PARP15: variants seen among roughly 807,000 people sequenced by gnomAD.
PARP15 encodes poly(ADP-ribose) polymerase family member 15, also known as protein mono-ADP-ribosyltransferase PARP15.
A neutral mutation model predicts 62.1 loss-of-function variants in PARP15; 50 were observed. That is an observed-to-expected ratio of 0.81 (90% CI 0.64 to 1.02). The LOEUF is 1.02. PARP15 is among the 50% of genes least tolerant of loss of function. PARP15 has a pLI of 0.00. For synonymous variants in PARP15, 309 were observed against 293.1 expected (o/e 1.05, Z -0.55); for missense variants, 820 against 826.5 (o/e 0.99, Z 0.10).
At position 122,606,073 on chromosome 3, in the gene PARP15, A is replaced by G; in HGVS notation, c.306+18A>G. 1 of 1,549,954 alleles carries G rather than the reference A, an allele frequency of 6.5e-7. No homozygotes were observed. Among genetic ancestry groups the G allele is most frequent in the Non-Finnish European group, 8.7e-7 (1 of 1,145,668 alleles). On this transcript the variant is annotated intron_variant, in intron 2 of 11. Transcript: ENST00000464300. ...ACATCTGGGTAGGTGATGCCATTTA[A>G]TAAATCTACCAAGGAACAGTGGGAT... is the stretch of plus-strand genomic sequence containing the variant.
intron 3 of PARP15, among the ~76,000 whole-genome samples, chr3:122,612,368 C>CTT (rs111945019): frequency 1.4e-5 from 2 of 143,920 alleles, no homozygotes; most frequent in African/African-American, 5.1e-5. Context: ...TATTCTCTCT[C>CTT]TTTTTTTTTT....
chr3:122,599,721 G>A (rs1934649051), intron 1 of PARP15, among the ~76,000 whole-genome samples: 4 of 152,130 alleles, frequency 2.6e-5, no homozygotes, highest in Admixed American at 2.6e-4. Flanking sequence ...TTACAGGTGT[G>A]CACCACCAAG....
intron 1 of PARP15, among the ~76,000 whole-genome samples, chr3:122,580,390 CATT>C (rs2080778912): frequency 6.6e-6 from 1 of 152,072 alleles, no homozygotes; most frequent in Admixed American, 6.5e-5. Context: ...GTTCATTTGT[CATT>C]ATGAAATGAC....
At chr3:122,594,808 C>G in intron 1 of PARP15, 1 of 978,508 alleles carries the variant, frequency 1.0e-6, no homozygotes, top group South Asian at 4.7e-5. Flanking sequence ...CTTCAGATTT[C>G]CTCAGAACCT....
Position 122,632,207 on chromosome 3 carries a change from C to T in PARP15, c.1560C>T (p.Tyr520=), listed in dbSNP as rs993567570. ...AGTTCACCCGAACTTGTTCTTCCTA[C>T]GCAATAGAGAAGGTAATACTGTGTT... The part of the protein sequence containing the change: ...KDKFTRTCSS[Y]AIEKIERIQN... The change falls in exon 10 of 12, where the codon TAC becomes TAT. Residue 520 remains tyrosine (Y), a synonymous_variant. Coordinates refer to ENST00000464300, the MANE Select transcript of PARP15 (RefSeq NM_001113523.3). The T allele has an allele frequency of 6.1e-5, 99 of 1,613,142 alleles. No individual in the cohort carries two copies. The highest frequency in any genetic ancestry group is 7.8e-5 in the Non-Finnish European group (92 of 1,179,704).
chr3:122,635,261 AG>A (rs984783447), intron 11 of PARP15, 67 bp downstream of exon 11: 5 of 1,455,388 alleles, frequency 3.4e-6, no homozygotes, highest in Non-Finnish European at 3.8e-6. Flanking sequence ...TTCATACCCA[AG>A]CAGTGTGGAA....
At chr3:122,614,196 TCTAA>T (rs1300095640) in intron 4 of PARP15, among the ~76,000 whole-genome samples, 3 of 152,174 alleles carry the variant, frequency 2.0e-5, no homozygotes, top group East Asian at 1.9e-4. Context: ...TCGGAATTGT[TCTAA>T]CTATTAAAAC....
intron 1 of PARP15, among the ~76,000 whole-genome samples, chr3:122,579,895 C>G (rs2080762101): frequency 6.6e-6 from 1 of 150,564 alleles, no homozygotes; most frequent in Non-Finnish European, 1.5e-5. Flanking sequence ...AGGAGAATTG[C>G]TGGAACCTGG....
At chr3:122,599,257 A>G (rs1934599165) in intron 1 of PARP15, among the ~76,000 whole-genome samples, 1 of 152,070 alleles carries the variant, frequency 6.6e-6, no homozygotes, top group South Asian at 2.1e-4. Context: ...GCTCCCATCT[A>G]CTTGGGAAGC....
intron 1 of PARP15, among the ~76,000 whole-genome samples, chr3:122,605,612 T>A (rs551345356): frequency 3.3e-5 from 5 of 152,334 alleles, no homozygotes; most frequent in Admixed American, 2.6e-4. Flanking sequence ...CTCGCTTTGT[T>A]ACGCAGGCTG....
chr3:122,623,983 C>G (rs1211154842), intron 8 of PARP15, among the ~76,000 whole-genome samples: 2 of 152,078 alleles, frequency 1.3e-5, no homozygotes, highest in African/African-American at 4.8e-5. Flanking sequence ...GAAACCCTGT[C>G]TCTACTAAAA....
intron 3 of PARP15, among the ~76,000 whole-genome samples, chr3:122,612,750 A>G (rs1452049005): frequency 1.3e-5 from 2 of 152,002 alleles, no homozygotes; most frequent in Non-Finnish European, 2.9e-5. Flanking sequence ...TTTTAACTTA[A>G]CATAAATACT....
intron 8 of PARP15, among the ~76,000 whole-genome samples, chr3:122,626,423 C>A (rs533682039): frequency 1.8e-4 from 27 of 152,210 alleles, no homozygotes; most frequent in Non-Finnish European, 1.6e-4. Context: ...TGGTTTCAAT[C>A]TCCTGACCTC....
intron 10 of PARP15, among the ~76,000 whole-genome samples, chr3:122,634,211 C>T (rs1937222464): frequency 6.6e-6 from 1 of 152,186 alleles, no homozygotes; most frequent in Non-Finnish European, 1.5e-5. Flanking sequence ...CACAGGTTAT[C>T]TGGAGCCCCT....
intron 8 of PARP15, among the ~76,000 whole-genome samples, chr3:122,625,820 C>T (rs1040721535): frequency 2.0e-5 from 3 of 152,168 alleles, no homozygotes; most frequent in Non-Finnish European, 4.4e-5. Context: ...GCAGCCCTAG[C>T]TAACTTCAAG....
intron 6 of PARP15, among the ~76,000 whole-genome samples, chr3:122,617,571 C>A (rs185883746): frequency 6.6e-6 from 1 of 152,174 alleles, no homozygotes; most frequent in Non-Finnish European, 1.5e-5. Context: ...AACTCACCTT[C>A]GGTAGCTCTT....
chr3:122,632,117 T>A lies in PARP15; in HGVS notation c.1470T>A (p.Asn490Lys). Residue 490 changes from asparagine to lysine, a missense_variant, in exon 10 of 12, where the codon AAT (asparagine) becomes AAA (lysine). Around this residue, in one of 3 missense-constraint regions of PARP15, gnomAD observed 731 missense variants for 727.7 expected, o/e 1.00. Coordinates refer to ENST00000464300, the MANE Select transcript of PARP15 (RefSeq NM_001113523.3). ...TTCCTGAACACTGGACTGACATGAATCATCAGCTGTTTTGCATGGTCCAGC... is the reference window on the plus strand; with the variant it reads ...TTCCTGAACACTGGACTGACATGAAACATCAGCTGTTTTGCATGGTCCAGC... The part of the protein sequence containing the change: ...CNLPEHWTDM[N>K]HQLFCMVQLE... 1 of 1,614,054 alleles carries A rather than the reference T, an allele frequency of 6.2e-7. No individual in the cohort carries two copies. Among genetic ancestry groups the A allele is most frequent in the South Asian group, 1.1e-5 (1 of 91,082 alleles).
chr3:122,626,958 A>G lies in PARP15; in HGVS notation c.1363A>G (p.Ile455Val), dbSNP rs2107589998. 1 of 1,614,036 alleles carries G rather than the reference A, an allele frequency of 6.2e-7. No individual in the cohort carries two copies. Among genetic ancestry groups the G allele is most frequent in the Non-Finnish European group, 8.5e-7 (1 of 1,179,986 alleles). ...CATTTTTCAACCTGAGCTGCTAAAT[A>G]TATTCTACGACAGCATGAAAAAAAG... ...VVIFQPELLNIFYDSMKKRDL... is the reference protein window; with the variant it reads ...VVIFQPELLNVFYDSMKKRDL... Residue 455 changes from isoleucine to valine, a missense_variant, in exon 9 of 12, where the codon ATA (isoleucine) becomes GTA (valine). This residue lies in a region of PARP15 where 731 missense variants were observed against 727.7 expected (regional missense o/e 1.00). Transcript: ENST00000464300.
intron 1 of PARP15, among the ~76,000 whole-genome samples, chr3:122,602,073 A>G (rs956646711): frequency 1.3e-4 from 20 of 152,092 alleles, no homozygotes; most frequent in Non-Finnish European, 1.5e-5. Flanking sequence ...TTGTGCAGTT[A>G]TTCTTTGGAC....
Sources: allele counts gnomAD v4.1 joint callset (sites outside exome capture counted in the v4.1 genomes callset), GRCh38; gene constraint gnomAD v4.1.1; regional missense constraint gnomAD v4.1.1; transcripts MANE v1.5; gene names NCBI Gene and HGNC (gene_info 2026-07-23, HGNC 2026-07-21).